OPHN1: variants seen among roughly 807,000 people sequenced by gnomAD.
OPHN1 encodes oligophrenin-1.
Under a neutral mutation model 60.7 loss-of-function variants are expected in OPHN1, and 11 were observed. The observed-to-expected ratio is 0.18, with a 90% CI of 0.11 to 0.30. The LOEUF (loss-of-function observed/expected upper bound fraction) is 0.30. OPHN1 is among the 10% of genes least tolerant of loss of function. The pLI is 1.00. For synonymous variants in OPHN1, 226 were observed against 222.6 expected (o/e 1.02, Z -0.14); for missense variants, 449 against 611.0 (o/e 0.73, Z 2.80).
At chrX:68,119,360 A>G (rs1456806813) in intron 15 of OPHN1, 28 bp from the exon 16 acceptor site, 2 of 1,030,604 alleles carry the variant, frequency 1.9e-6, no homozygotes, top group East Asian at 6.1e-5. Context: ...ACAAAAAACA[A>G]AAGTTAATCA....
At chrX:68,242,435 A>C (rs1039437974) in intron 5 of OPHN1, among the ~76,000 whole-genome samples, 7 of 111,287 alleles carry the variant, frequency 6.3e-5, no homozygotes, top group African/African-American at 2.3e-4. Flanking sequence ...GTTCTTGAGG[A>C]TGTGAAGAAA....
Position 68,064,197 on chromosome X carries a change from A to G in OPHN1, c.1835-20T>C. On this transcript the variant is annotated intron_variant, in intron 20 of 24. Transcript: ENST00000355520. ...TTTCATCTAGGAAAAGTTGGTGCCA[A>G]GAGGGAAGATTAATGATAACTTTTA... 2.5e-6 allele frequency: 3 copies of G among 1,192,975 alleles called. No homozygotes were observed. The highest frequency in any genetic ancestry group is 3.4e-6 in the Non-Finnish European group (3 of 878,555).
At chrX:68,088,589 A>G (rs1362387279) in intron 19 of OPHN1, among the ~76,000 whole-genome samples, 2 of 111,640 alleles carry the variant, frequency 1.8e-5, no homozygotes, top group African/African-American at 6.5e-5. Context: ...AGGTATTAAT[A>G]AAAGTATTAG....
chrX:68,056,603 C>T (rs1156726718), intron 21 of OPHN1, among the ~76,000 whole-genome samples: 2 of 111,341 alleles, frequency 1.8e-5, no homozygotes, highest in Non-Finnish European at 3.8e-5. Flanking sequence ...AAAAATTAAC[C>T]AAAATGATAA....
intron 15 of OPHN1, among the ~76,000 whole-genome samples, chrX:68,143,553 T>C (rs1254745957): frequency 1.8e-5 from 2 of 111,813 alleles, no homozygotes; most frequent in Non-Finnish European, 3.8e-5. Flanking sequence ...CATGACTCAC[T>C]ATGCCTAGAA....
intron 3 of OPHN1, among the ~76,000 whole-genome samples, chrX:68,290,301 A>C (rs190368317): frequency 9.0e-6 from 1 of 111,014 alleles, no homozygotes; most frequent in African/African-American, 3.3e-5. Flanking sequence ...TCTACGAAAA[A>C]AGCTACAAAA....
intron 19 of OPHN1, among the ~76,000 whole-genome samples, chrX:68,090,344 T>C (rs1308188205): frequency 9.1e-6 from 1 of 110,473 alleles, no homozygotes; most frequent in Admixed American, 9.7e-5. Context: ...CAGTAAAATC[T>C]ATAAAGTATA....
chrX:68,175,997 GC>G (rs2147429412), intron 15 of OPHN1, among the ~76,000 whole-genome samples: 1 of 112,047 alleles, frequency 8.9e-6, no homozygotes, highest in African/African-American at 3.2e-5. Flanking sequence ...AACAAATGAT[GC>G]TGGAGAAACT....
chrX:68,081,818 T>C (rs1321173719), intron 19 of OPHN1, among the ~76,000 whole-genome samples: 1 of 111,055 alleles, frequency 9.0e-6, no homozygotes, highest in Non-Finnish European at 1.9e-5. Context: ...AACAATGAAG[T>C]TAGCTGCATC....
intron 2 of OPHN1, among the ~76,000 whole-genome samples, chrX:68,369,205 G>A (rs1229086207): frequency 4.8e-5 from 5 of 104,791 alleles, no homozygotes; most frequent in African/African-American, 1.4e-4. Flanking sequence ...GAGACTCCTC[G>A]AAAAAAAAAA....
chrX:68,416,059 TATATATATAGAG>T (rs1265305571), intron 2 of OPHN1, among the ~76,000 whole-genome samples: 429 of 6,728 alleles, frequency 0.064, 2 homozygotes, highest in African/African-American at 0.086. Context: ...TATATATATA[TATATATATAGAG>T]AGAGAGAGAG....
chrX:68,243,870 G>A (rs1253106253), intron 5 of OPHN1, among the ~76,000 whole-genome samples: 1 of 112,126 alleles, frequency 8.9e-6, no homozygotes, highest in Non-Finnish European at 1.9e-5. Flanking sequence ...ACTGGGTTAT[G>A]TGAAGACTGA....
intron 6 of OPHN1, among the ~76,000 whole-genome samples, chrX:68,219,592 A>C (rs1288478712): frequency 5.4e-5 from 6 of 111,318 alleles, no homozygotes; most frequent in Non-Finnish European, 1.1e-4. Context: ...CTCAGACCAC[A>C]GTGCAATCAA....
intron 2 of OPHN1, among the ~76,000 whole-genome samples, chrX:68,405,307 G>A (rs1327155384): frequency 9.0e-6 from 1 of 111,332 alleles, no homozygotes; most frequent in Non-Finnish European, 1.9e-5. Flanking sequence ...GGGCTCAAGT[G>A]AGCCTCCTGC....
At chrX:68,404,280 C>T (rs1369205753) in intron 2 of OPHN1, among the ~76,000 whole-genome samples, 2 of 109,303 alleles carry the variant, frequency 1.8e-5, no homozygotes, top group Admixed American at 2.0e-4. Flanking sequence ...CTGCCTCAGC[C>T]TCCCGAGTAG....
At chrX:68,207,816 C>T (rs2077566325) in intron 9 of OPHN1, among the ~76,000 whole-genome samples, 1 of 111,016 alleles carries the variant, frequency 9.0e-6, no homozygotes, top group African/African-American at 3.3e-5. Flanking sequence ...AGTCCAAATC[C>T]AAGACTTATT....
chrX:68,296,234 G>T (rs2078094361), intron 3 of OPHN1, among the ~76,000 whole-genome samples: 1 of 111,861 alleles, frequency 8.9e-6, no homozygotes, highest in African/African-American at 3.2e-5. Flanking sequence ...CCTCTCTTTG[G>T]TCCTCAATAA....
At chrX:68,087,476 C>T (rs978562190) in intron 19 of OPHN1, among the ~76,000 whole-genome samples, 2 of 111,413 alleles carry the variant, frequency 1.8e-5, no homozygotes, top group African/African-American at 6.5e-5. Flanking sequence ...AGTTTGGTCA[C>T]ATATTAACCC....
chrX:68,333,743 C>T (rs941519586), intron 2 of OPHN1, among the ~76,000 whole-genome samples: 1 of 110,885 alleles, frequency 9.0e-6, no homozygotes, highest in African/African-American at 3.3e-5. Context: ...TGTGACAAAA[C>T]ATCAAAATAT....
Sources: gnomAD v4.1 joint callset for allele counts (sites outside exome capture counted in the v4.1 genomes callset) on GRCh38, gnomAD v4.1.1 for gene constraint, MANE v1.5 for transcripts, NCBI Gene and HGNC (gene_info 2026-07-23, HGNC 2026-07-21) for gene names.